Variants in PPAT observed in about 807,000 individuals in gnomAD.
PPAT encodes the protein amidophosphoribosyltransferase.
Under a neutral mutation model 60.2 loss-of-function variants are expected in PPAT, and 20 were observed. The ratio of observed to expected loss-of-function variants is 0.33; its 90% confidence interval spans 0.23 to 0.48. The LOEUF (loss-of-function observed/expected upper bound fraction) is 0.48, where lower values mean the gene tolerates loss of function less well. PPAT is among the 20% of genes least tolerant of loss of function. PPAT has a pLI of 0.99. For synonymous variants in PPAT, 194 were observed against 215.1 expected (o/e 0.90, Z 0.86); for missense variants, 349 against 629.6 (o/e 0.55, Z 4.77).
In PPAT at chr4:56,408,533, C is replaced by T. The variant is rs542446732; in HGVS notation, c.129-817G>A. Among the ~76,000 whole-genome samples the T allele has an allele frequency of 2.3e-3, 353 of 150,650 alleles. 1 individual carries two copies. Among genetic ancestry groups the T allele is most frequent in the Non-Finnish European group, 3.9e-3 (267 of 67,752 alleles). On this transcript the variant is annotated intron_variant, in intron 1 of 10. Coordinates refer to ENST00000264220, the MANE Select transcript of PPAT (RefSeq NM_002703.5). ...TAACTCCTAGGTGGAGGCGGGTGGA[C>T]CACGAGGTCAGGAGATCGAGACCAT...
chr4:56,423,581 C>T (rs537253895), intron 1 of PPAT: 2 of 151,976 alleles, frequency 1.3e-5, no homozygotes, highest in South Asian at 4.2e-4. Context: ...GCTTGTTAGT[C>T]CTCTGGAAAA....
In PPAT at chr4:56,406,647, C is replaced by T; in HGVS notation, c.250G>A (p.Val84Ile). 6.2e-7 allele frequency: 1 copy of T among 1,613,080 alleles called. No homozygotes were observed. Among genetic ancestry groups the T allele is most frequent in the Non-Finnish European group, 8.5e-7 (1 of 1,179,122 alleles). ...GTGTGTCCAATTCCAAGATTTGAAA[C>T]ATATAATTTTTTCAAATTGTCTTCA... ...FTEDNLKKLY[V>I]SNLGIGHTRY... The change falls in exon 3 of 11, where the codon GTT becomes ATT. Residue 84 changes from valine (V) to isoleucine (I), a missense_variant. Coordinates refer to ENST00000264220, the MANE Select transcript of PPAT (RefSeq NM_002703.5).
intron 1 of PPAT, chr4:56,416,437 A>T (rs1716753803): frequency 1.6e-6 from 1 of 644,978 alleles, no homozygotes; most frequent in Non-Finnish European, 1.9e-6. Flanking sequence ...CAATGGAACT[A>T]GGTATAGTAT....
intron 1 of PPAT, among the ~76,000 whole-genome samples, chr4:56,431,800 A>G (rs528746695): frequency 7.0e-4 from 107 of 152,338 alleles, no homozygotes; most frequent in African/African-American, 2.5e-3. Context: ...TGTTTATTCT[A>G]AGAAGGGGTG....
intron 1 of PPAT, chr4:56,422,399 A>G (rs1032365235): frequency 1.3e-5 from 2 of 152,206 alleles, no homozygotes; most frequent in Admixed American, 1.3e-4. Context: ...TCAGTCAGTA[A>G]TAAGTCAGAA....
At chr4:56,404,626 C>G (rs1395550257) in intron 3 of PPAT, among the ~76,000 whole-genome samples, 1 of 152,120 alleles carries the variant, frequency 6.6e-6, no homozygotes, top group East Asian at 1.9e-4. Flanking sequence ...TAGTGGTTAT[C>G]TCTAAGTGGT....
chr4:56,435,322 C>T (rs763444167), intron 1 of PPAT, 28 bp downstream of exon 1: 1 of 1,612,134 alleles, frequency 6.2e-7, no homozygotes, highest in East Asian at 2.2e-5. Flanking sequence ...GAGACGCACG[C>T]CCCCGCCACC....
At chr4:56,430,551 C>A (rs2110068447) in intron 1 of PPAT, among the ~76,000 whole-genome samples, 1 of 152,200 alleles carries the variant, frequency 6.6e-6, no homozygotes, top group Non-Finnish European at 1.5e-5. Flanking sequence ...TCAACAAATA[C>A]ATTTTGAATA....
At chr4:56,397,844 C>T (rs993335544) in intron 9 of PPAT, among the ~76,000 whole-genome samples, 1 of 151,958 alleles carries the variant, frequency 6.6e-6, no homozygotes, top group South Asian at 2.1e-4. Context: ...AGTTTGAGAT[C>T]AGCATGGGCA....
intron 9 of PPAT, among the ~76,000 whole-genome samples, chr4:56,398,915 G>A (rs1201103880): frequency 6.6e-6 from 1 of 152,160 alleles, no homozygotes; most frequent in African/African-American, 2.4e-5. Flanking sequence ...GGCTCCCAAA[G>A]TACTGGGATT....
rs2110038349 is a variant in PPAT, at chr4:56,401,412, A to G, written c.804T>C (p.Ile268=). The G allele has an allele frequency of 6.2e-7, 1 of 1,604,322 alleles. No individual in the cohort carries two copies. Among genetic ancestry groups the G allele is most frequent in the East Asian group, 2.2e-5 (1 of 44,778 alleles). ...CTGGGTTTCCTTCAGACCTTGATAT[A>G]ATATCAAGAGTTTGGACATTGTGTC... is the stretch of plus-strand genomic sequence containing the variant. ...ISRHNVQTLD[I]ISRSEGNPVA... Residue 268 remains isoleucine, a synonymous_variant, in exon 7 of 11, where the codon ATT becomes ATC. Transcript: ENST00000264220.
At chr4:56,435,327 G>A in intron 1 of PPAT, 23 bp downstream of exon 1, 3 of 1,602,410 alleles carry the variant, frequency 1.9e-6, no homozygotes, top group Non-Finnish European at 1.7e-6. Context: ...GCACGCCCCC[G>A]CCACCCCCAC....
At chr4:56,427,853 G>A (rs1381661857) in intron 1 of PPAT, among the ~76,000 whole-genome samples, 1 of 152,090 alleles carries the variant, frequency 6.6e-6, no homozygotes, top group African/African-American at 2.4e-5. Context: ...GATATATGAA[G>A]TCTAACAGAG....
intron 5 of PPAT, among the ~76,000 whole-genome samples, chr4:56,402,698 C>T (rs1178369106): frequency 6.6e-6 from 1 of 151,726 alleles, no homozygotes; most frequent in African/African-American, 2.4e-5. Flanking sequence ...CGCCTGTAAT[C>T]CCAGCTACTC....
rs1715944307 is a variant in PPAT, at chr4:56,395,352, C to G, written c.1554G>C (p.Ter518TyrextTer34). 6.2e-7 allele frequency: 1 copy of G among 1,601,238 alleles called. No individual in the cohort carries two copies. Among genetic ancestry groups the G allele is most frequent in the Admixed American group, 1.7e-5 (1 of 58,576 alleles). The part of the protein sequence containing the change: ...TGKYPVELEW[*>Y] The stretch of plus-strand genomic sequence containing the variant: ...AACTACACACATCCAACCCTACCAG[C>G]TACCATTCTAATTCTACAGGATATT... The change falls in exon 11 of 11, where the codon TAG (stop) becomes TAC (tyrosine). Residue 518 changes from the stop codon to tyrosine (Y), a stop_lost. Transcript: ENST00000264220.
intron 1 of PPAT, chr4:56,421,819 A>C (rs144214780): frequency 6.8e-6 from 1 of 146,472 alleles, no homozygotes; most frequent in African/African-American, 2.5e-5. Context: ...GATGCAGCTA[A>C]AGATGATTCC....
At chr4:56,417,322 C>CA (rs141226188) in intron 1 of PPAT, among the ~76,000 whole-genome samples, 4,283 of 151,534 alleles carry the variant, frequency 0.028, 90 homozygotes, top group Non-Finnish European at 0.042. Context: ...CATTTCAAAG[C>CA]AAAGACATTA....
intron 8 of PPAT, 67 bp from the exon 9 acceptor site, chr4:56,399,467 T>C: frequency 8.3e-7 from 1 of 1,197,976 alleles, no homozygotes; most frequent in Non-Finnish European, 1.2e-6. Context: ...TTTCTCTAGG[T>C]TGTGTTGCCG....
intron 1 of PPAT, among the ~76,000 whole-genome samples, chr4:56,411,922 T>G (rs1716482649): frequency 6.6e-6 from 1 of 152,230 alleles, no homozygotes; most frequent in Admixed American, 6.5e-5. Context: ...GAATCCACCC[T>G]GCCTACATTC....
Sources: allele counts gnomAD v4.1 joint callset (sites outside exome capture counted in the v4.1 genomes callset), GRCh38; gene constraint gnomAD v4.1.1; transcripts MANE v1.5; gene names NCBI Gene and HGNC (gene_info 2026-07-23, HGNC 2026-07-21).